The following ANK2 variants were observed in gnomAD, a reference collection of about 807,000 sequenced individuals.
The protein encoded by ANK2 is ankyrin 2.
ANK2 carries 83 observed loss-of-function variants against 360.5 expected under a neutral mutation model. The ratio of observed to expected loss-of-function variants is 0.23; its 90% CI spans 0.19 to 0.28. The LOEUF (loss-of-function observed/expected upper bound fraction) is 0.28, where lower values mean the gene tolerates loss of function less well. Among genes scored for constraint, ANK2 ranks in the 10% least tolerant of loss-of-function variants. ANK2 has a pLI of 1.00. For missense variants in ANK2, 4,201 were observed against 4,795.7 expected, an observed-to-expected ratio of 0.88 and a Z score of 3.66; for synonymous variants, 1,740 against 1,759.5, an observed-to-expected ratio of 0.99 and a Z score of 0.28.
chr4:112,918,736 T>C (rs1470067297), intron 2 of ANK2, among the ~76,000 whole-genome samples: 1 of 152,204 alleles, frequency 6.6e-6, no homozygotes, highest in African/African-American at 2.4e-5. Context: ...TTGCAAATGA[T>C]TTTTTGTATC....
intron 1 of ANK2, among the ~76,000 whole-genome samples, chr4:113,140,838 C>T (rs190611760): frequency 2.4e-4 from 36 of 152,046 alleles, no homozygotes; most frequent in African/African-American, 6.7e-4. Context: ...ATTAGCCAGG[C>T]GTGGTGGTGC....
intron 4 of ANK2, among the ~76,000 whole-genome samples, chr4:113,226,161 A>G (rs947620385): frequency 6.6e-6 from 1 of 152,216 alleles, no homozygotes; most frequent in East Asian, 1.9e-4. Context: ...TCTGGACTAT[A>G]GTCTGGCCTC....
At chr4:113,163,786 A>G (rs1298135196) in intron 1 of ANK2, among the ~76,000 whole-genome samples, 1 of 108,610 alleles carries the variant, frequency 9.2e-6, no homozygotes, top group Non-Finnish European at 2.3e-5. Flanking sequence ...AAAAAAAAAA[A>G]AAAAAAGAAA....
chr4:112,946,222 GC>G, intron 2 of ANK2, among the ~76,000 whole-genome samples: 1 of 152,298 alleles, frequency 6.6e-6, no homozygotes, highest in Middle Eastern at 3.4e-3. Flanking sequence ...AAACACCAGA[GC>G]CTTTCGTGGA....
chr4:113,086,448 T>C (rs971150533), intron 1 of ANK2, among the ~76,000 whole-genome samples: 8 of 152,236 alleles, frequency 5.3e-5, no homozygotes, highest in African/African-American at 1.9e-4. Context: ...CATCATTCTT[T>C]TATTGACCAC....
chr4:113,044,005 C>A (rs2063630327), intron 2 of ANK2, among the ~76,000 whole-genome samples: 1 of 152,082 alleles, frequency 6.6e-6, no homozygotes, highest in Non-Finnish European at 1.5e-5. Flanking sequence ...CAGACTAGTG[C>A]CTTTAATACA....
chr4:113,245,274 C>T (rs912315373), intron 9 of ANK2, among the ~76,000 whole-genome samples: 9 of 152,086 alleles, frequency 5.9e-5, no homozygotes, highest in Non-Finnish European at 1.3e-4. Context: ...AATTCTGGAA[C>T]TATAATATTT....
At chr4:112,776,397 G>C in the ANK2 span, among the ~76,000 whole-genome samples, 1 of 152,184 alleles carries the variant, frequency 6.6e-6, no homozygotes, top group Non-Finnish European at 1.5e-5. Context: ...AATTCATGGT[G>C]GAAAAGTAAC....
intron 2 of ANK2, among the ~76,000 whole-genome samples, chr4:112,947,484 C>G (rs906429037): frequency 6.6e-6 from 1 of 151,994 alleles, no homozygotes; most frequent in Non-Finnish European, 1.5e-5. Context: ...GTATTGTTTT[C>G]AGACCATTAG....
At chr4:113,125,320 T>G (rs1375545155) in intron 1 of ANK2, among the ~76,000 whole-genome samples, 1 of 152,170 alleles carries the variant, frequency 6.6e-6, no homozygotes, top group Admixed American at 6.5e-5. Context: ...CTACTTTACT[T>G]TTATTATTAT....
the ANK2 span, among the ~76,000 whole-genome samples, chr4:112,724,301 G>A: frequency 6.6e-6 from 1 of 152,250 alleles, no homozygotes; most frequent in Non-Finnish European, 1.5e-5. Context: ...CTGACCTCAG[G>A]TGATCCGCCG....
chr4:112,730,636 C>CAAAAAAAAAAAAAAAAAAAA, the ANK2 span, among the ~76,000 whole-genome samples: 1 of 57,942 alleles, frequency 1.7e-5, no homozygotes, highest in African/African-American at 6.8e-5. Flanking sequence ...GACTCCATCT[C>CAAAAAAAAAAAAAAAAAAAA]AAAAAAAAAA....
intron 38 of ANK2, among the ~76,000 whole-genome samples, chr4:113,360,034 T>C (rs772687257): frequency 6.6e-6 from 1 of 152,176 alleles, no homozygotes; most frequent in Non-Finnish European, 1.5e-5. Flanking sequence ...CTTTGAAAAG[T>C]AGCCTGTGTT....
At chr4:113,036,235 C>A (rs12643026) in intron 2 of ANK2, among the ~76,000 whole-genome samples, 26,896 of 147,020 alleles carry the variant, frequency 0.18, 2,694 homozygotes, top group East Asian at 0.38. Context: ...TTCATAGATT[C>A]AAGGACTTTT....
chr4:113,291,951 G>A (rs2067885677), intron 20 of ANK2, among the ~76,000 whole-genome samples: 1 of 152,154 alleles, frequency 6.6e-6, no homozygotes, highest in Non-Finnish European at 1.5e-5. Flanking sequence ...TTAATTATTA[G>A]GAGAGTCATG....
At chr4:113,231,661 T>C (rs1207233046) in intron 4 of ANK2, among the ~76,000 whole-genome samples, 1 of 151,734 alleles carries the variant, frequency 6.6e-6, no homozygotes, top group Non-Finnish European at 1.5e-5. Context: ...TGGAGTGCAA[T>C]GACCTGATCT....
chr4:113,048,917 GACACACACACACACACACACACAC>G (rs55814667), upstream of ANK2, among the ~76,000 whole-genome samples: 3 of 139,326 alleles, frequency 2.2e-5, no homozygotes, highest in East Asian at 4.2e-4. Context: ...CCCCTACCCA[GACACACACACACACACACACACAC>G]ACACACACAC....
chr4:113,239,014 G>A (rs1039838212), intron 7 of ANK2, among the ~76,000 whole-genome samples: 1 of 151,882 alleles, frequency 6.6e-6, no homozygotes, highest in Admixed American at 6.6e-5. Context: ...ACACACTCAG[G>A]GTATGTCTGT....
intron 1 of ANK2, among the ~76,000 whole-genome samples, chr4:112,879,826 C>T (rs1439350007): frequency 6.6e-6 from 1 of 152,106 alleles, no homozygotes; most frequent in East Asian, 1.9e-4. Flanking sequence ...CTTATCTACC[C>T]AGTGTCTATG....
Sources: gnomAD v4.1 joint callset for allele counts (sites outside exome capture counted in the v4.1 genomes callset) on GRCh38, gnomAD v4.1.1 for gene constraint, MANE v1.5 for transcripts, NCBI Gene and HGNC (gene_info 2026-07-23, HGNC 2026-07-21) for gene names.